The following FGGY variants were observed in gnomAD, a reference collection of about 807,000 sequenced individuals.
FGGY encodes FGGY carbohydrate kinase domain containing, also known as FGGY carbohydrate kinase domain-containing protein.
In FGGY, 72 loss-of-function variants were observed where a neutral mutation model predicts 71.3. That is an observed-to-expected ratio of 1.01 (90% CI 0.84 to 1.23). The LOEUF (loss-of-function observed/expected upper bound fraction) is 1.23. Among genes scored for constraint, FGGY ranks in the 50% most tolerant of loss-of-function variants. FGGY has a pLI of 0.00. For missense variants in FGGY, 668 were observed against 682.3 expected (o/e 0.98, Z 0.23); for synonymous variants, 251 against 250.3 (o/e 1.00, Z -0.02).
At position 59,546,525 on chromosome 1, in the gene FGGY, TGATGATG is replaced by T. The variant is rs1558303320; in HGVS notation, c.800-7598_800-7592del. Among the ~76,000 whole-genome samples, 43 of 100,800 alleles carry T rather than the reference TGATGATG, an allele frequency of 4.3e-4. No homozygotes were observed. In the South Asian group the frequency reaches 6.4e-3, roughly 15 times the overall value. 66.1% of individuals were successfully genotyped at this position (100,800 alleles called of 152,430 possible). A position where few individuals can be genotyped will look rare whatever the true frequency, so the allele number is the denominator to read the frequency against. The stretch of plus-strand genomic sequence containing the variant: ...ATGATGATGATGATGATGATGATGA[TGATGATG>T]ATGATTATTATTATTATTATTTGAG... On this transcript the variant is annotated intron_variant, in intron 7 of 15. Coordinates refer to ENST00000303721, the MANE Select transcript of FGGY (RefSeq NM_018291.5).
chr1:59,721,794 AAC>A (rs2097899082), intron 14 of FGGY, among the ~76,000 whole-genome samples: 1 of 152,196 alleles, frequency 6.6e-6, no homozygotes, highest in Non-Finnish European at 1.5e-5. Flanking sequence ...TGTATTTTTA[AAC>A]AGAGTGAAAG....
intron 14 of FGGY, among the ~76,000 whole-genome samples, chr1:59,735,413 C>A (rs1178960075): frequency 6.6e-6 from 1 of 152,204 alleles, no homozygotes; most frequent in Non-Finnish European, 1.5e-5. Flanking sequence ...CTAGTCCTTG[C>A]TTTGACACCA....
chr1:59,588,818 C>G (rs1417286116), intron 8 of FGGY, among the ~76,000 whole-genome samples: 1 of 152,182 alleles, frequency 6.6e-6, no homozygotes, highest in Non-Finnish European at 1.5e-5. Flanking sequence ...ACAACCGGTA[C>G]CAGCCACTGG....
chr1:59,410,131 A>G (rs931262167), intron 5 of FGGY, among the ~76,000 whole-genome samples: 1 of 152,190 alleles, frequency 6.6e-6, no homozygotes, highest in Admixed American at 6.5e-5. Context: ...ATGCAAAGGT[A>G]TTGTCTTTCA....
chr1:59,692,911 T>C (rs1356313166), intron 14 of FGGY, among the ~76,000 whole-genome samples: 1 of 152,180 alleles, frequency 6.6e-6, no homozygotes, highest in Admixed American at 6.5e-5. Context: ...TGGAAGAAAC[T>C]CTGGACTTGG....
chr1:59,587,541 AC>A (rs1320896057), intron 8 of FGGY, among the ~76,000 whole-genome samples: 4 of 151,880 alleles, frequency 2.6e-5, no homozygotes, highest in Admixed American at 6.6e-5. Flanking sequence ...ACTGGGAGGC[AC>A]CCCCCAGTAG....
chr1:59,690,394 T>C (rs946436904), intron 14 of FGGY, among the ~76,000 whole-genome samples: 6 of 152,194 alleles, frequency 3.9e-5, no homozygotes, highest in Non-Finnish European at 7.4e-5. Context: ...TTCCCAAGCT[T>C]ACATAGCTGG....
intron 9 of FGGY, among the ~76,000 whole-genome samples, chr1:59,610,695 G>A (rs537155816): frequency 3.9e-5 from 6 of 152,358 alleles, no homozygotes; most frequent in Middle Eastern, 6.8e-3. Flanking sequence ...CACAGACCGT[G>A]AGCCGAAGCA....
At chr1:59,532,552 G>C (rs908921007) in intron 7 of FGGY, among the ~76,000 whole-genome samples, 1 of 152,090 alleles carries the variant, frequency 6.6e-6, no homozygotes, top group Non-Finnish European at 1.5e-5. Flanking sequence ...ATATTAAAAG[G>C]ATGCAAGAGA....
At chr1:59,374,234 G>A (rs148396043) in intron 4 of FGGY, among the ~76,000 whole-genome samples, 11,206 of 152,240 alleles carry the variant, frequency 0.074, 472 homozygotes, top group South Asian at 0.096. Flanking sequence ...CCATCAAAAA[G>A]TGGGTGCAGG....
At chr1:59,548,354 C>T (rs2095557915) in intron 7 of FGGY, among the ~76,000 whole-genome samples, 1 of 152,202 alleles carries the variant, frequency 6.6e-6, no homozygotes, top group Non-Finnish European at 1.5e-5. Flanking sequence ...CCAGGCAATT[C>T]TGCAGGTCGT....
intron 8 of FGGY, among the ~76,000 whole-genome samples, chr1:59,590,201 A>G (rs2096402300): frequency 6.6e-6 from 1 of 152,210 alleles, no homozygotes; most frequent in Non-Finnish European, 1.5e-5. Flanking sequence ...AAATGGATAA[A>G]TTCCTCGACA....
In FGGY at chr1:59,386,442, C is replaced by T. The variant is rs559511182; in HGVS notation, c.554+7605C>T. Among the ~76,000 whole-genome samples, 6 of 152,220 alleles carry T rather than the reference C, an allele frequency of 3.9e-5. No homozygotes were observed. The South Asian group carries it at 6.2e-4, about 16-fold the overall frequency. ...AAAATACCTTTCTCAACCTATCAAG[C>T]GAACACACTCTTATCACAACTTAAC... On this transcript the variant is annotated intron_variant, in intron 5 of 15. Transcript: ENST00000303721.
At chr1:59,382,954 G>T (rs1390925912) in intron 5 of FGGY, among the ~76,000 whole-genome samples, 1 of 152,110 alleles carries the variant, frequency 6.6e-6, no homozygotes, top group Non-Finnish European at 1.5e-5. Context: ...GAAGTTAGCT[G>T]TGGCTCAGAT....
At chr1:59,720,172 A>T (rs143254237) in intron 14 of FGGY, among the ~76,000 whole-genome samples, 13 of 152,308 alleles carry the variant, frequency 8.5e-5, no homozygotes, top group African/African-American at 3.1e-4. Flanking sequence ...GTGGGACTGA[A>T]AATAGAGATA....
chr1:59,339,889 G>T, intron 2 of FGGY, 69 bp from the exon 3 acceptor site: 1 of 890,082 alleles, frequency 1.1e-6, no homozygotes. Context: ...CTTCCTTCTA[G>T]TTGTAACTGT....
intron 11 of FGGY, among the ~76,000 whole-genome samples, chr1:59,642,529 G>T (rs1174490713): frequency 6.6e-6 from 1 of 151,794 alleles, no homozygotes; most frequent in East Asian, 1.9e-4. Flanking sequence ...GGAGGCTGAG[G>T]CAGGAGAATT....
intron 8 of FGGY, 85 bp downstream of exon 8, chr1:59,554,312 T>G: frequency 1.0e-6 from 1 of 984,032 alleles, no homozygotes; most frequent in Non-Finnish European, 1.5e-6. Flanking sequence ...TTCTTCACCC[T>G]TTCACTTCTT....
chr1:59,554,082 T>A lies in FGGY; in HGVS notation c.800-42T>A, dbSNP rs527427088. 2.9e-5 allele frequency: 41 copies of A among 1,425,674 alleles called. No individual in the cohort carries two copies. In the South Asian group the frequency reaches 4.5e-4, roughly 16 times the overall value. 88.3% of individuals were successfully genotyped at this position (1,425,674 alleles called of 1,614,324 possible). ...TTTTAGCTTTCTCTCCCTCTTTTTT[T>A]ATGTGTTAAAGAGGATTTGTTTTTG... On this transcript the variant is annotated intron_variant, in intron 7 of 15. Transcript: ENST00000303721.
Sources: allele counts gnomAD v4.1 joint callset (sites outside exome capture counted in the v4.1 genomes callset), GRCh38; gene constraint gnomAD v4.1.1; transcripts MANE v1.5; gene names NCBI Gene and HGNC (gene_info 2026-07-23, HGNC 2026-07-21).